Variants in SAMD10 observed in about 807,000 individuals in gnomAD.
The protein encoded by SAMD10 is sterile alpha motif domain containing 10, also known as sterile alpha motif domain-containing protein 10.
Under a neutral mutation model 22.5 loss-of-function variants are expected in SAMD10, and 16 were observed. That is an observed-to-expected ratio of 0.71 (90% CI 0.48 to 1.08). The LOEUF (loss-of-function observed/expected upper bound fraction) is 1.08, where lower values mean the gene tolerates loss of function less well. SAMD10 is among the 50% of genes least tolerant of loss of function. The pLI is 0.00. For missense variants in SAMD10, 227 were observed against 281.3 expected, an observed-to-expected ratio of 0.81 and a Z score of 1.38; for synonymous variants, 118 against 122.2, an observed-to-expected ratio of 0.97 and a Z score of 0.23.
chr20:63,979,299 C>G lies in SAMD10; in HGVS notation c.91+78G>C. 1 of 1,089,234 alleles carries G rather than the reference C, an allele frequency of 9.2e-7. No individual in the cohort carries two copies. Among genetic ancestry groups the G allele is most frequent in the Non-Finnish European group, 1.2e-6 (1 of 815,114 alleles). The allele number at this position is 1,089,234 out of a possible 1,614,324, so 67.5% of individuals were successfully genotyped here. On this transcript the variant is annotated intron_variant, in intron 1 of 4. Coordinates refer to ENST00000369886, the MANE Select transcript of SAMD10 (RefSeq NM_080621.5). This position sits in a 1 kb window ranked among gnomAD's most constrained non-coding sequence, Gnocchi z 7.7. ...CACCGCCGCTCGAAGCCCGCCGGGT[C>G]CCGCCCCGCCCCCGTGCCTCTGGGT... is the stretch of plus-strand genomic sequence containing the variant.
chr20:63,975,500 T>G lies in SAMD10; in HGVS notation c.*10A>C. ...CAGTGCTGGGGTCTGGGTTCAAGCC[T>G]CAGCAGCAGCTAGGACATTTTCCCG... is the stretch of plus-strand genomic sequence containing the variant. On this transcript the variant is annotated 3_prime_UTR_variant, in exon 5 of 5. Transcript: ENST00000369886. 6.2e-7 allele frequency: 1 copy of G among 1,609,754 alleles called. No homozygotes were observed. The highest frequency in any genetic ancestry group is 8.5e-7 in the Non-Finnish European group (1 of 1,178,696).
At chr20:63,978,715 C>T (rs2059041345) in intron 1 of SAMD10, among the ~76,000 whole-genome samples, 1 of 152,230 alleles carries the variant, frequency 6.6e-6, no homozygotes, top group African/African-American at 2.4e-5. Context: ...AGGGTGTGCT[C>T]AGTGGGCCAC....
intron 3 of SAMD10, among the ~76,000 whole-genome samples, chr20:63,976,293 G>A (rs1171071348): frequency 2.0e-5 from 3 of 152,094 alleles, no homozygotes; most frequent in African/African-American, 7.2e-5. Flanking sequence ...CGGAGAGAGG[G>A]AGGAGAGAGA....
rs1184118832 is a variant in SAMD10, at chr20:63,975,829, C to T, written c.449G>A (p.Arg150Gln). 17 of 1,593,628 alleles carry T rather than the reference C, an allele frequency of 1.1e-5. No homozygotes were observed. Among genetic ancestry groups the T allele is most frequent in the Non-Finnish European group, 1.4e-5 (16 of 1,174,908 alleles). The change falls in exon 4 of 5, where the codon CGG becomes CAG. Residue 150 changes from arginine (R) to glutamine (Q), a missense_variant. Coordinates refer to ENST00000369886, the MANE Select transcript of SAMD10 (RefSeq NM_080621.5). ...EAFSQHAITGRALLRLNAEKL... is the reference protein window; with the variant it reads ...EAFSQHAITGQALLRLNAEKL... Reference sequence around the variant, plus strand: ...CTCCGCATTCAGCCGCAGCAGTGCCCGGCCTGGGGAGAGGAAAGAGGGGCT... The same window carrying T: ...CTCCGCATTCAGCCGCAGCAGTGCCTGGCCTGGGGAGAGGAAAGAGGGGCT...
At chr20:63,976,449 G>C (rs1301947573) in intron 3 of SAMD10, among the ~76,000 whole-genome samples, 3 of 151,864 alleles carry the variant, frequency 2.0e-5, no homozygotes, top group African/African-American at 7.3e-5. Context: ...AGCACAGAGA[G>C]ATGGGAAGAG....
Position 63,979,316 on chromosome 20 carries a change from C to T in SAMD10, c.91+61G>A, listed in dbSNP as rs1205071972. 9.0e-7 allele frequency: 1 copy of T among 1,112,094 alleles called. No individual in the cohort carries two copies. Among genetic ancestry groups the T allele is most frequent in the Non-Finnish European group, 1.2e-6 (1 of 831,532 alleles). The allele number at this position is 1,112,094 out of a possible 1,614,324, so 68.9% of individuals were successfully genotyped here. On this transcript the variant is annotated intron_variant, in intron 1 of 4. Coordinates refer to ENST00000369886, the MANE Select transcript of SAMD10 (RefSeq NM_080621.5). This position sits in a 1 kb window ranked among gnomAD's most constrained non-coding sequence, Gnocchi z 7.7. ...CGCCGGGTCCCGCCCCGCCCCCGTG[C>T]CTCTGGGTCCCTGAGACCCCCGCCC...
rs763579730 is a variant in SAMD10, at chr20:63,976,960, C to T, written c.445+11G>A. ...AGCCCCACTCCCACAGCACCCTCAG[C>T]GCCACTGTACCGGTGATGGCATGCT... On this transcript the variant is annotated intron_variant, in intron 3 of 4. Transcript: ENST00000369886. 32 of 1,613,492 alleles carry T rather than the reference C, an allele frequency of 2.0e-5. No homozygotes were observed. The highest frequency in any genetic ancestry group is 1.0e-4 in the Admixed American group (6 of 59,978).
chr20:63,978,861 G>A (rs965518741), intron 1 of SAMD10, among the ~76,000 whole-genome samples: 4 of 152,190 alleles, frequency 2.6e-5, no homozygotes, highest in African/African-American at 9.6e-5. Context: ...CGGCAGTCCG[G>A]GGAAACCCGT....
At position 63,976,085 on chromosome 20, in the gene SAMD10, A is replaced by C. The variant is rs561237400; in HGVS notation, c.446-253T>G. 2.6e-5 allele frequency among the ~76,000 whole-genome samples: 4 copies of C among 152,304 alleles called. No homozygotes were observed. The East Asian group carries it at 5.8e-4, about 22-fold the overall frequency. On this transcript the variant is annotated intron_variant, in intron 3 of 4. Coordinates refer to ENST00000369886, the MANE Select transcript of SAMD10 (RefSeq NM_080621.5). ...CTACTCGGGAGGCTGAGGCGGGAGG[A>C]TCACTTGAACCTGGGAGGTGGAGGT...
At chr20:63,979,649 C>G, upstream of SAMD10, 3 of 985,120 alleles carry the variant, frequency 3.0e-6, no homozygotes, top group Non-Finnish European at 3.6e-6. This position sits in a 1 kb window ranked among gnomAD's most constrained non-coding sequence, Gnocchi z 7.7. Context: ...GTGTGCCGGG[C>G]GCGCTCCGGG....
intron 3 of SAMD10, 129 bp from the exon 4 acceptor site, chr20:63,975,961 T>A: frequency 1.0e-6 from 1 of 988,350 alleles, no homozygotes; most frequent in Non-Finnish European, 1.4e-6. Flanking sequence ...TCACTTGAGG[T>A]CAGGAGTTCA....
intron 1 of SAMD10, chr20:63,978,327 G>A (rs764586080): frequency 2.5e-5 from 32 of 1,301,088 alleles, no homozygotes; most frequent in Non-Finnish European, 1.0e-5. Context: ...ATGAATGAAT[G>A]AAGGCTCTGT....
At position 63,979,322 on chromosome 20, in the gene SAMD10, G is replaced by C. The variant is rs1022558132; in HGVS notation, c.91+55C>G. ...GTCCCGCCCCGCCCCCGTGCCTCTGGGTCCCTGAGACCCCCGCCCGAGAAA... is the reference window on the plus strand; with the variant it reads ...GTCCCGCCCCGCCCCCGTGCCTCTGCGTCCCTGAGACCCCCGCCCGAGAAA... On this transcript the variant is annotated intron_variant, in intron 1 of 4. Coordinates refer to ENST00000369886, the MANE Select transcript of SAMD10 (RefSeq NM_080621.5). This position sits in a 1 kb window ranked among gnomAD's most constrained non-coding sequence, Gnocchi z 7.7. 7 of 1,320,884 alleles carry C rather than the reference G, an allele frequency of 5.3e-6. No homozygotes were observed. In the Admixed American group the frequency reaches 1.2e-4, roughly 23 times the overall value. The allele number at this position is 1,320,884 out of a possible 1,614,324, so 81.8% of individuals were successfully genotyped here.
At position 63,976,955 on chromosome 20, in the gene SAMD10, C is replaced by G; in HGVS notation, c.445+16G>C. ...AGGTTAGCCCCACTCCCACAGCACC[C>G]TCAGCGCCACTGTACCGGTGATGGC... On this transcript the variant is annotated intron_variant, in intron 3 of 4. Coordinates refer to ENST00000369886, the MANE Select transcript of SAMD10 (RefSeq NM_080621.5). 4.3e-6 allele frequency: 7 copies of G among 1,613,590 alleles called. No individual in the cohort carries two copies. Among genetic ancestry groups the G allele is most frequent in the Non-Finnish European group, 5.9e-6 (7 of 1,179,606 alleles).
Position 63,979,230 on chromosome 20 carries a change from T to C in SAMD10, c.91+147A>G. 1.8e-6 allele frequency: 1 copy of C among 562,062 alleles called. No homozygotes were observed. The highest frequency in any genetic ancestry group is 2.9e-6 in the Non-Finnish European group (1 of 348,160). The allele number at this position is 562,062 out of a possible 1,614,324, so 34.8% of individuals were successfully genotyped here. A position where few individuals can be genotyped will look rare whatever the true frequency, so the allele number is the denominator to read the frequency against. On this transcript the variant is annotated intron_variant, in intron 1 of 4. Transcript: ENST00000369886. This position sits in a 1 kb window ranked among gnomAD's most constrained non-coding sequence, Gnocchi z 7.7. ...CTGCCCCCTAAAGCAGGACAAAGGC[T>C]ACGGGACCCCGTTGAGCCGAGACAT...
At chr20:63,978,510 G>GA (rs1289400915) in intron 1 of SAMD10, 1 of 345,004 alleles carries the variant, frequency 2.9e-6, no homozygotes, top group African/African-American at 2.2e-5. Flanking sequence ...CTCAGACTCA[G>GA]CCACCCACTC....
Position 63,977,306 on chromosome 20 carries a change from C to T in SAMD10, c.192G>A (p.Thr64=), listed in dbSNP as rs369003873. 7 of 1,613,354 alleles carry T rather than the reference C, an allele frequency of 4.3e-6. No individual in the cohort carries two copies. The highest frequency in any genetic ancestry group is 3.3e-5 in the Admixed American group (2 of 59,996). Residue 64 remains threonine, a synonymous_variant, in exon 2 of 5, where the codon ACG becomes ACA. Coordinates refer to ENST00000369886, the MANE Select transcript of SAMD10 (RefSeq NM_080621.5). The surrounding 1 kb of genome is among the most constrained non-coding windows in gnomAD (Gnocchi z 5.4). ...CCCTCTGGCTGCGGGAGTCATGCCA[C>T]GTGAGGCTGGTGCCAGGTGTCCGAG... is the stretch of plus-strand genomic sequence containing the variant. The part of the protein sequence containing the change: ...HLPRTPGTSL[T]WHDSRSQRAA...
chr20:63,980,083 G>T (rs533098492), upstream of SAMD10: 1 of 152,568 alleles, frequency 6.6e-6, no homozygotes, highest in South Asian at 2.1e-4. Context: ...TAACTGAAAG[G>T]GGCTTGGCTT....
chr20:63,976,972 G>A lies in SAMD10; in HGVS notation c.444C>T (p.Thr148=), dbSNP rs139583982. ...ACAGCACCCTCAGCGCCACTGTACC[G>A]GTGATGGCATGCTGGGAGAAGGCCT... ...YVEAFSQHAI[T]GRALLRLNAE... is the part of the protein sequence containing the mutation. The change falls in exon 3 of 5, where the codon ACC becomes ACT. Residue 148 remains threonine (T), a splice_region_variant and synonymous_variant. Coordinates refer to ENST00000369886, the MANE Select transcript of SAMD10 (RefSeq NM_080621.5). The A allele has an allele frequency of 5.8e-4, 929 of 1,613,998 alleles. 3 individuals carry two copies. The African/African-American group carries it at 9.9e-3, about 17-fold the overall frequency.
Sources: gnomAD v4.1 joint callset for allele counts (sites outside exome capture counted in the v4.1 genomes callset) on GRCh38, gnomAD v4.1.1 for gene constraint, Gnocchi (gnomAD v3.1) non-coding constraint, MANE v1.5 for transcripts, NCBI Gene and HGNC (gene_info 2026-07-23, HGNC 2026-07-21) for gene names.